Variants in MACROD2 observed in about 807,000 individuals in gnomAD.
The protein encoded by MACROD2 is mono-ADP ribosylhydrolase 2.
A neutral mutation model predicts 70.4 loss-of-function variants in MACROD2; 36 were observed. That is an observed-to-expected ratio of 0.51 (90% confidence interval 0.39 to 0.68). MACROD2 has a LOEUF of 0.68. MACROD2 is among the 30% of genes least tolerant of loss of function. MACROD2 has a pLI of 0.00. For missense variants in MACROD2, 496 were observed against 538.4 expected (o/e 0.92, Z 0.78); for synonymous variants, 172 against 178.8 (o/e 0.96, Z 0.30).
At chr20:15,110,691 A>G (rs2075947529) in intron 5 of MACROD2, among the ~76,000 whole-genome samples, 1 of 152,176 alleles carries the variant, frequency 6.6e-6, no homozygotes, top group African/African-American at 2.4e-5. Context: ...AGGACATAAC[A>G]TGTGGCCAGA....
intron 8 of MACROD2, among the ~76,000 whole-genome samples, chr20:15,792,857 A>G (rs1309426451): frequency 6.6e-6 from 1 of 152,224 alleles, no homozygotes; most frequent in African/African-American, 2.4e-5. Context: ...TCTAAGATGT[A>G]CTAGCAAGAA....
intron 3 of MACROD2, among the ~76,000 whole-genome samples, chr20:14,111,893 A>C (rs550981893): frequency 1.3e-5 from 2 of 152,142 alleles, no homozygotes; most frequent in South Asian, 4.1e-4. Flanking sequence ...TATTGAAGAG[A>C]TATCTGCACA....
At chr20:14,141,533 G>T (rs1003720580) in intron 3 of MACROD2, among the ~76,000 whole-genome samples, 1 of 151,988 alleles carries the variant, frequency 6.6e-6, no homozygotes, top group Non-Finnish European at 1.5e-5. Context: ...ATCATCTGAG[G>T]TTAGGAGTTC....
chr20:15,946,370 C>T (rs1219099385), intron 12 of MACROD2, among the ~76,000 whole-genome samples: 2 of 152,106 alleles, frequency 1.3e-5, no homozygotes, highest in African/African-American at 4.8e-5. Context: ...CTTCCTTCTT[C>T]CATCACAAAT....
chr20:15,095,507 GTTTT>G (rs2075824264), intron 5 of MACROD2, among the ~76,000 whole-genome samples: 1 of 151,574 alleles, frequency 6.6e-6, no homozygotes, highest in African/African-American at 2.4e-5. Context: ...TTTGTTTTGT[GTTTT>G]TTGTTTTGTT....
rs1389171122 is a variant in MACROD2, at chr20:15,990,461, TA to T, written c.1153+3304del. On this transcript the variant is annotated intron_variant, in intron 15 of 17. Transcript: ENST00000684519. ...ATGTTTTATTATGATATATATTGGA[TA>T]TTTTTTTCTCTAAGTGTTAAACAGA... Among the ~76,000 whole-genome samples, 9 of 152,346 alleles carry T rather than the reference TA, an allele frequency of 5.9e-5. No individual in the cohort carries two copies. The East Asian group carries it at 1.5e-3, about 26-fold the overall frequency.
intron 6 of MACROD2, among the ~76,000 whole-genome samples, chr20:15,254,929 CTTTTTTTTTT>C (rs762538763): frequency 3.7e-5 from 3 of 80,548 alleles, no homozygotes; most frequent in East Asian, 3.8e-4. Flanking sequence ...CAAAGCACAC[CTTTTTTTTTT>C]TTTTTTTTTT....
rs995053123 is a variant in MACROD2, at chr20:15,219,071, A to G, written c.419-10869A>G. Among the ~76,000 whole-genome samples, 7 of 152,198 alleles carry G rather than the reference A, an allele frequency of 4.6e-5. 1 individual carries two copies. The South Asian group carries it at 6.2e-4, about 14-fold the overall frequency. On this transcript the variant is annotated intron_variant, in intron 5 of 17. Coordinates refer to ENST00000684519, the MANE Select transcript of MACROD2 (RefSeq NM_001351661.2). ...AAAAAAAAAAAATCCCTTAACCTAC[A>G]TAAAAGTGAAATTGGTGACATACCA...
chr20:14,085,176 G>A (rs376635600), intron 2 of MACROD2, among the ~76,000 whole-genome samples: 3,464 of 139,188 alleles, frequency 0.025, 61 homozygotes, highest in Middle Eastern at 0.055. Context: ...CAAAAAAAAA[G>A]GAAGTAGCAA....
At chr20:15,770,938 G>A (rs1394160713) in intron 8 of MACROD2, among the ~76,000 whole-genome samples, 3 of 152,102 alleles carry the variant, frequency 2.0e-5, no homozygotes, top group Non-Finnish European at 4.4e-5. Flanking sequence ...AGCAAGTCTC[G>A]TGATCAAACT....
chr20:14,917,043 G>A (rs932647154), intron 5 of MACROD2, among the ~76,000 whole-genome samples: 3 of 151,772 alleles, frequency 2.0e-5, no homozygotes, highest in African/African-American at 2.4e-5. Flanking sequence ...TATTAAGGAA[G>A]GGAAGTAATG....
intron 5 of MACROD2, among the ~76,000 whole-genome samples, chr20:15,172,700 C>A (rs892965774): frequency 8.5e-5 from 13 of 152,232 alleles, no homozygotes; most frequent in Non-Finnish European, 1.5e-4. Flanking sequence ...GTGAGCCCCT[C>A]ACTTGGCAAA....
intron 6 of MACROD2, among the ~76,000 whole-genome samples, chr20:15,425,503 A>G (rs2046285653): frequency 6.6e-6 from 1 of 152,226 alleles, no homozygotes; most frequent in Non-Finnish European, 1.5e-5. Flanking sequence ...TGGAAGGTAT[A>G]TCAGGTAGCA....
intron 5 of MACROD2, among the ~76,000 whole-genome samples, chr20:14,804,439 A>G (rs900474514): frequency 6.6e-5 from 10 of 152,020 alleles, no homozygotes; most frequent in South Asian, 2.1e-4. Flanking sequence ...AATAGCATAC[A>G]TGGTTCAAGG....
chr20:15,656,423 A>C (rs1381738079), intron 8 of MACROD2, among the ~76,000 whole-genome samples: 2 of 152,198 alleles, frequency 1.3e-5, no homozygotes, highest in African/African-American at 4.8e-5. Flanking sequence ...GCATCTCTCA[A>C]GTGTGACATA....
chr20:15,316,593 A>C (rs1194306738), intron 6 of MACROD2, among the ~76,000 whole-genome samples: 3 of 152,250 alleles, frequency 2.0e-5, no homozygotes, highest in South Asian at 4.1e-4. Flanking sequence ...TTCTACAGTA[A>C]CTATTAGAGA....
chr20:14,006,217 C>G (rs1395389532), intron 2 of MACROD2, among the ~76,000 whole-genome samples: 1 of 152,048 alleles, frequency 6.6e-6, no homozygotes, highest in Non-Finnish European at 1.5e-5. Context: ...TGTAGTATAC[C>G]TTACAATGTT....
At chr20:14,527,041 G>A (rs190398036) in intron 4 of MACROD2, among the ~76,000 whole-genome samples, 31 of 152,338 alleles carry the variant, frequency 2.0e-4, no homozygotes, top group African/African-American at 7.2e-4. Context: ...AGCAGATGGG[G>A]GAGCCAGAAG....
At chr20:14,730,570 A>G (rs2071582974) in intron 5 of MACROD2, among the ~76,000 whole-genome samples, 1 of 152,204 alleles carries the variant, frequency 6.6e-6, no homozygotes, top group Non-Finnish European at 1.5e-5. Context: ...ACCTTTCAAG[A>G]AATTAAGAAC....
Sources: allele counts gnomAD v4.1 joint callset (sites outside exome capture counted in the v4.1 genomes callset), GRCh38; gene constraint gnomAD v4.1.1; transcripts MANE v1.5; gene names NCBI Gene and HGNC (gene_info 2026-07-23, HGNC 2026-07-21).